HBP1: variants seen among roughly 807,000 people sequenced by gnomAD.
The protein encoded by HBP1 is HMG-box transcription factor 1.
Under a neutral mutation model 62.6 loss-of-function variants are expected in HBP1, and 20 were observed. The observed-to-expected ratio is 0.32, with a 90% CI of 0.22 to 0.46. The LOEUF is 0.46. Ranked by LOEUF, HBP1 falls within the 20% of genes least tolerant of loss-of-function variation. The pLI is 1.00. For missense variants in HBP1, 480 were observed against 611.8 expected, an observed-to-expected ratio of 0.78 and a Z score of 2.27; for synonymous variants, 232 against 206.2, an observed-to-expected ratio of 1.12 and a Z score of -1.07.
chr7:107,171,062 TATATATATATA>T (rs1385331684), intron 1 of HBP1, among the ~76,000 whole-genome samples: 39 of 67,264 alleles, frequency 5.8e-4, no homozygotes, highest in Non-Finnish European at 7.1e-4. Context: ...TATATATATA[TATATATATATA>T]TTTTTTTTTT....
intron 8 of HBP1, 90 bp from the exon 9 acceptor site, chr7:107,195,744 T>G: frequency 4.8e-6 from 3 of 631,546 alleles, no homozygotes; most frequent in Non-Finnish European, 7.2e-6. Flanking sequence ...TCCAATCAGA[T>G]GTTTTCTTTT....
chr7:107,177,844 T>TTTTTTTCCAAAAAAA (rs1454154733), intron 1 of HBP1, among the ~76,000 whole-genome samples: 1 of 152,144 alleles, frequency 6.6e-6, no homozygotes, highest in African/African-American at 2.4e-5. Flanking sequence ...ATCATATTCC[T>TTTTTTTCCAAAAAAA]TTTTTTCCAA....
At chr7:107,190,443 T>C in intron 8 of HBP1, 126 bp downstream of exon 8, 1 of 627,656 alleles carries the variant, frequency 1.6e-6, no homozygotes, top group Non-Finnish European at 2.7e-6. Flanking sequence ...AAAAGAATTA[T>C]TAAGAGGAAA....
At chr7:107,198,567 A>G (rs1584506559) in intron 9 of HBP1, among the ~76,000 whole-genome samples, 1 of 152,298 alleles carries the variant, frequency 6.6e-6, no homozygotes, top group Admixed American at 6.5e-5. Flanking sequence ...CTGGTAATCA[A>G]TCATCTAACA....
chr7:107,180,370 T>C (rs1458767228), intron 2 of HBP1, among the ~76,000 whole-genome samples: 2 of 152,370 alleles, frequency 1.3e-5, no homozygotes, highest in African/African-American at 4.8e-5. Context: ...TTGAGAGAGC[T>C]CAGTAAAATA....
In HBP1 at chr7:107,179,967, C is replaced by T; in HGVS notation, c.74C>T (p.Ala25Val). ...CTCCTGTTGGTGATGGACAAGAGAG[C>T]CTCAGGAATGAATGACTCATTGGAG... Reference protein sequence around the residue: ...QKLLLVMDKRASGMNDSLELL... With the variant: ...QKLLLVMDKRVSGMNDSLELL... Residue 25 changes from alanine to valine, a missense_variant, in exon 2 of 11, where the codon GCC (alanine) becomes GTC (valine). Ala to Val is a moderately conservative substitution (Grantham distance 64). Around this residue, in one of 4 missense-constraint regions of HBP1, gnomAD observed 304 missense variants for 330.9 expected, o/e 0.92. Coordinates refer to ENST00000222574, the MANE Select transcript of HBP1 (RefSeq NM_012257.4). 1 of 1,611,084 alleles carries T rather than the reference C, an allele frequency of 6.2e-7. No individual in the cohort carries two copies. Among genetic ancestry groups the T allele is most frequent in the Non-Finnish European group, 8.5e-7 (1 of 1,177,462 alleles).
In HBP1 at chr7:107,190,180, A is replaced by G; in HGVS notation, c.930A>G (p.Ser310=). The stretch of plus-strand genomic sequence containing the variant: ...AACATTGTTTAACTTTAGGTTGGTC[A>G]TCATTTTATCCAAGCTTGACTGTGG... ...HPFYVKNKGW[S]SFYPSLTVVQ... The change falls in exon 8 of 11, where the codon TCA becomes TCG. Residue 310 remains serine (S), a synonymous_variant. Coordinates refer to ENST00000222574, the MANE Select transcript of HBP1 (RefSeq NM_012257.4). 6.2e-7 allele frequency: 1 copy of G among 1,607,052 alleles called. No homozygotes were observed. The highest frequency in any genetic ancestry group is 8.5e-7 in the Non-Finnish European group (1 of 1,176,922).
At chr7:107,192,035 A>C (rs1021712780) in intron 8 of HBP1, among the ~76,000 whole-genome samples, 1 of 152,142 alleles carries the variant, frequency 6.6e-6, no homozygotes, top group African/African-American at 2.4e-5. Flanking sequence ...AATTAAGGGC[A>C]TGTTTTATTC....
intron 1 of HBP1, chr7:107,169,742 G>A (rs769723516): frequency 4.1e-5 from 40 of 985,486 alleles, no homozygotes; most frequent in Non-Finnish European, 4.6e-5. Flanking sequence ...TGGGCTCCCA[G>A]GCGCCTGCGC....
rs566054011 is a variant in HBP1, at chr7:107,195,060, A to C, written c.1068-774A>C. The stretch of plus-strand genomic sequence containing the variant: ...CTTTATTTGTTTTTTATTTTTTTTG[A>C]GACGGAGTCTCACTCTGTTGCCCAG... On this transcript the variant is annotated intron_variant, in intron 8 of 10. Coordinates refer to ENST00000222574, the MANE Select transcript of HBP1 (RefSeq NM_012257.4). Among the ~76,000 whole-genome samples the C allele has an allele frequency of 9.2e-5, 14 of 152,250 alleles. No homozygotes were observed. The South Asian group carries it at 2.9e-3, about 32-fold the overall frequency.
At position 107,169,069 on chromosome 7, in the gene HBP1, G is replaced by A. The variant is rs1395954209; in HGVS notation, c.-132G>A. 1.6e-6 allele frequency: 2 copies of A among 1,288,094 alleles called. No homozygotes were observed. Among genetic ancestry groups the A allele is most frequent in the African/African-American group, 3.0e-5 (2 of 65,772 alleles). The allele number at this position is 1,288,094 out of a possible 1,614,324, so 79.8% of individuals were successfully genotyped here. A position where few individuals can be genotyped will look rare whatever the true frequency, so the allele number is the denominator to read the frequency against. On this transcript the variant is annotated 5_prime_UTR_variant, in exon 1 of 11. Coordinates refer to ENST00000222574, the MANE Select transcript of HBP1 (RefSeq NM_012257.4). ...CGGTTGAGGAGTAAGAGCTGCCGCG[G>A]GAGCAGTAACCCGCGCGGGGGAGGC... is the stretch of plus-strand genomic sequence containing the variant.
intron 10 of HBP1, 190 bp downstream of exon 10, chr7:107,200,491 TC>T: frequency 2.4e-6 from 1 of 416,904 alleles, no homozygotes; most frequent in East Asian, 3.6e-5. Flanking sequence ...TCATTTACTC[TC>T]ATAGCATGGC....
rs776867276 is a variant in HBP1 at position 107,185,935 on chromosome 7, A to C, written c.533A>C (p.His178Pro). Reference protein sequence around the residue: ...HHWKEETPVRHERANSESESG... With the variant: ...HHWKEETPVRPERANSESESG... ...TGGAAGGAGGAAACACCAGTAAGACACGAAAGGGTAAGTTTATTTATGAGG... is the reference window on the plus strand; with the variant it reads ...TGGAAGGAGGAAACACCAGTAAGACCCGAAAGGGTAAGTTTATTTATGAGG... The change falls in exon 4 of 11, where the codon CAC becomes CCC. Residue 178 changes from histidine (H) to proline (P), a missense_variant. Physicochemically the swap from His to Pro is moderately conservative, Grantham distance 77. Around this residue, in one of 4 missense-constraint regions of HBP1, gnomAD observed 304 missense variants for 330.9 expected, o/e 0.92. Transcript: ENST00000222574. 1.9e-6 allele frequency: 3 copies of C among 1,612,336 alleles called. No individual in the cohort carries two copies. Among genetic ancestry groups the C allele is most frequent in the Non-Finnish European group, 2.5e-6 (3 of 1,178,404 alleles).
At chr7:107,182,743 C>G (rs774105739) in intron 3 of HBP1, 142 bp downstream of exon 3, 81 of 565,216 alleles carry the variant, frequency 1.4e-4, no homozygotes, top group Middle Eastern at 9.3e-4. Context: ...ATCTAATGAT[C>G]AAAGACTTAT....
intron 1 of HBP1, among the ~76,000 whole-genome samples, chr7:107,171,096 A>G (rs1796569749): frequency 2.7e-5 from 2 of 75,440 alleles, no homozygotes; most frequent in Admixed American, 1.5e-4. Context: ...TTTGAGAGGG[A>G]GTCTCGCTCT....
At chr7:107,184,379 T>C (rs190247842) in intron 3 of HBP1, among the ~76,000 whole-genome samples, 7 of 152,306 alleles carry the variant, frequency 4.6e-5, no homozygotes, top group African/African-American at 1.7e-4. Flanking sequence ...CATGAAAGTA[T>C]AGATCCTTAT....
chr7:107,170,540 C>A (rs1192487203), intron 1 of HBP1, among the ~76,000 whole-genome samples: 1 of 151,198 alleles, frequency 6.6e-6, no homozygotes, highest in African/African-American at 2.4e-5. Flanking sequence ...GACAAAATTT[C>A]AAGGAAATTT....
In HBP1 at chr7:107,196,058, C is replaced by T; in HGVS notation, c.1292C>T (p.Pro431Leu). 1 of 1,613,264 alleles carries T rather than the reference C, an allele frequency of 6.2e-7. No individual in the cohort carries two copies. Among genetic ancestry groups the T allele is most frequent in the Non-Finnish European group, 8.5e-7 (1 of 1,179,244 alleles). ...TCAGGGACTGTGAGTGCCACTTCTC[C>T]TAATAAGTGCAAAAGACCAATGAAT... ...HSSGTVSATS[P>L]NKCKRPMNAF... Residue 431 changes from proline to leucine, a missense_variant, in exon 9 of 11, where the codon CCT (proline) becomes CTT (leucine). Transcript: ENST00000222574.
At chr7:107,181,904 AAAT>A (rs1797123598) in intron 2 of HBP1, among the ~76,000 whole-genome samples, 1 of 152,090 alleles carries the variant, frequency 6.6e-6, no homozygotes, top group Non-Finnish European at 1.5e-5. Context: ...TTATAGGAAA[AAAT>A]AACCGATAAA....
Sources: gnomAD v4.1 joint callset for allele counts (sites outside exome capture counted in the v4.1 genomes callset) on GRCh38, gnomAD v4.1.1 for gene constraint, gnomAD v4.1.1 regional missense constraint, MANE v1.5 for transcripts, NCBI Gene and HGNC (gene_info 2026-07-23, HGNC 2026-07-21) for gene names.